The following AGMO variants were observed in gnomAD, a reference collection of about 807,000 sequenced individuals.
AGMO encodes alkylglycerol monooxygenase, also known as glyceryl-ether monooxygenase.
AGMO carries 75 observed loss-of-function variants against 60.2 expected under a neutral mutation model. The observed-to-expected ratio is 1.25, with a 90% confidence interval of 1.03 to 1.51. The LOEUF (loss-of-function observed/expected upper bound fraction) is 1.51. AGMO is among the 40% of genes most tolerant of loss of function. The probability of loss-of-function intolerance (pLI) is 0.00; values close to 1 mark genes in which losing one functional copy is unlikely to be tolerated. For missense variants in AGMO, 763 were observed against 525.5 expected (o/e 1.45, Z -4.42); for synonymous variants, 261 against 177.1 (o/e 1.47, Z -3.76).
At chr7:15,470,685 A>G (rs1295314717) in intron 3 of AGMO, among the ~76,000 whole-genome samples, 1 of 151,854 alleles carries the variant, frequency 6.6e-6, no homozygotes, top group African/African-American at 2.4e-5. Flanking sequence ...GGTTTTTTTC[A>G]CTGTTCTTAT....
chr7:15,361,369 C>G (rs1325284986), intron 12 of AGMO, among the ~76,000 whole-genome samples: 2 of 151,244 alleles, frequency 1.3e-5, no homozygotes, highest in Non-Finnish European at 2.9e-5. Flanking sequence ...GAAACCCCAT[C>G]TCTACTAAAA....
intron 12 of AGMO, among the ~76,000 whole-genome samples, chr7:15,292,526 T>A (rs192431138): frequency 6.1e-4 from 93 of 152,248 alleles, no homozygotes; most frequent in African/African-American, 1.9e-3. Flanking sequence ...GTGAACATGA[T>A]AGTGAGTTCA....
intron 3 of AGMO, among the ~76,000 whole-genome samples, chr7:15,442,674 C>T (rs538653877): frequency 5.3e-5 from 8 of 152,092 alleles, no homozygotes; most frequent in African/African-American, 1.9e-4. Context: ...CTGGTGAGGG[C>T]TCCACCCCCG....
intron 12 of AGMO, among the ~76,000 whole-genome samples, chr7:15,205,422 T>C (rs888313452): frequency 1.3e-5 from 2 of 152,148 alleles, no homozygotes; most frequent in Admixed American, 1.3e-4. Flanking sequence ...TTTTTTGGTC[T>C]CCCAAACATG....
intron 10 of AGMO, among the ~76,000 whole-genome samples, chr7:15,382,515 CGT>C (rs1285150216): frequency 6.6e-6 from 1 of 152,018 alleles, no homozygotes; most frequent in Non-Finnish European, 1.5e-5. Flanking sequence ...AATGTGTCTC[CGT>C]GTGTGTTTTC....
At chr7:15,184,876 GAA>G in the AGMO span, among the ~76,000 whole-genome samples, 1 of 87,814 alleles carries the variant, frequency 1.1e-5, no homozygotes, top group Non-Finnish European at 2.4e-5. Context: ...GGGAGGGAAG[GAA>G]GGAAGGAATG....
rs1174840040 is a variant in AGMO, at chr7:15,201,298, T to A, written c.1325A>T (p.His442Leu). 3 of 1,611,454 alleles carry A rather than the reference T, an allele frequency of 1.9e-6. No individual in the cohort carries two copies. Among genetic ancestry groups the A allele is most frequent in the Non-Finnish European group, 2.5e-6 (3 of 1,178,528 alleles). Residue 442 changes from histidine to leucine, a missense_variant, in exon 13 of 13, where the codon CAC becomes CTC. His to Leu is a moderately conservative substitution (Grantham distance 99, BLOSUM62 -3). Coordinates refer to ENST00000342526, the MANE Select transcript of AGMO (RefSeq NM_001004320.2). ...TACAAATTCAGGTTATTTCCAAGGG[T>A]GAGAGGTGAGTTGTTTCATGCTTCT... Reference protein sequence around the residue: ...GVRSMKQLTSHPWK With the variant: ...GVRSMKQLTSLPWK
chr7:15,353,537 A>G (rs1269899175), intron 12 of AGMO, among the ~76,000 whole-genome samples: 1 of 152,238 alleles, frequency 6.6e-6, no homozygotes, highest in Non-Finnish European at 1.5e-5. Flanking sequence ...TAAATGAAAC[A>G]AAACTACTCA....
the AGMO span, among the ~76,000 whole-genome samples, chr7:15,190,277 T>C: frequency 6.7e-6 from 1 of 148,432 alleles, no homozygotes; most frequent in African/African-American, 2.4e-5. Context: ...TGCTTTTTAA[T>C]ATCAGAAGAA....
chr7:15,173,915 TTTTGA>T, the AGMO span, among the ~76,000 whole-genome samples: 1 of 151,846 alleles, frequency 6.6e-6, no homozygotes, highest in Non-Finnish European at 1.5e-5. Context: ...CTCATGATCC[TTTTGA>T]TTTTATTTTT....
rs1186087285 is a variant in AGMO at position 15,544,908 on chromosome 7, G to A, written c.273C>T (p.Ser91=). Residue 91 remains serine, a synonymous_variant, in exon 3 of 13, where the codon AGC becomes AGT. Coordinates refer to ENST00000342526, the MANE Select transcript of AGMO (RefSeq NM_001004320.2). ...TATAAATATAACTGGTCAGTTCAAT[G>A]CTCCTGAAAAATAGACTGGAAGATA... The part of the protein sequence containing the change: ...LSRLPSLFFR[S]IELTSYIYIW... 1 of 1,547,744 alleles carries A rather than the reference G, an allele frequency of 6.5e-7. No individual in the cohort carries two copies. The highest frequency in any genetic ancestry group is 8.7e-7 in the Non-Finnish European group (1 of 1,146,858).
At chr7:15,155,288 C>T in the AGMO span, among the ~76,000 whole-genome samples, 4 of 151,902 alleles carry the variant, frequency 2.6e-5, no homozygotes, top group African/African-American at 7.2e-5. Flanking sequence ...GGAGGTTTTG[C>T]TGCATTAAAA....
At chr7:15,356,818 A>G (rs895987589) in intron 12 of AGMO, among the ~76,000 whole-genome samples, 2 of 151,956 alleles carry the variant, frequency 1.3e-5, no homozygotes, top group Admixed American at 6.6e-5. Flanking sequence ...CTTTATAAAA[A>G]TATTAGGGCC....
chr7:15,337,028 C>A (rs560212681), intron 12 of AGMO, among the ~76,000 whole-genome samples: 86 of 152,264 alleles, frequency 5.6e-4, no homozygotes, highest in African/African-American at 2.0e-3. Flanking sequence ...CTGTGTATAT[C>A]ACAATATCAT....
At chr7:15,533,985 G>A (rs951077488) in intron 3 of AGMO, among the ~76,000 whole-genome samples, 1 of 151,972 alleles carries the variant, frequency 6.6e-6, no homozygotes, top group Non-Finnish European at 1.5e-5. Context: ...CAGATTTCGA[G>A]AGAATAAAAC....
At chr7:15,554,602 A>C (rs146346221) in intron 2 of AGMO, among the ~76,000 whole-genome samples, 3,441 of 152,128 alleles carry the variant, frequency 0.023, 67 homozygotes, top group Middle Eastern at 0.041. Context: ...TAGTGAACTG[A>C]TTTTCTGTGT....
chr7:15,310,801 G>A (rs1035349893), intron 12 of AGMO, among the ~76,000 whole-genome samples: 2 of 152,130 alleles, frequency 1.3e-5, no homozygotes, highest in African/African-American at 2.4e-5. Context: ...CGAAAATCAA[G>A]GTGTTGGCAG....
intron 12 of AGMO, among the ~76,000 whole-genome samples, chr7:15,284,292 G>C (rs114386910): frequency 0.013 from 1,977 of 151,958 alleles, 42 homozygotes; most frequent in African/African-American, 0.046. Flanking sequence ...GAAACATAAA[G>C]TTGCTTCTTT....
intron 10 of AGMO, among the ~76,000 whole-genome samples, chr7:15,372,564 C>T (rs1783262696): frequency 6.6e-6 from 1 of 152,048 alleles, no homozygotes; most frequent in Non-Finnish European, 1.5e-5. Flanking sequence ...ACAACAAAAT[C>T]CCTGCCCTTG....
Sources: allele counts gnomAD v4.1 joint callset (sites outside exome capture counted in the v4.1 genomes callset), GRCh38; gene constraint gnomAD v4.1.1; transcripts MANE v1.5; gene names NCBI Gene and HGNC (gene_info 2026-07-23, HGNC 2026-07-21).